Variants in MID1 observed in about 807,000 individuals in gnomAD.
MID1 encodes E3 ubiquitin-protein ligase Midline-1.
In MID1, 7 loss-of-function variants were observed where a neutral mutation model predicts 40.4. The ratio of observed to expected loss-of-function variants is 0.17; its 90% CI spans 0.10 to 0.33. The LOEUF (loss-of-function observed/expected upper bound fraction) is 0.33, where lower values mean the gene tolerates loss of function less well. Ranked by LOEUF, MID1 falls within the 10% of genes least tolerant of loss-of-function variation. MID1 has a pLI of 1.00. For synonymous variants in MID1, 229 were observed against 221.2 expected, an observed-to-expected ratio of 1.04 and a Z score of -0.31; for missense variants, 367 against 558.5, an observed-to-expected ratio of 0.66 and a Z score of 3.46.
intron 7 of MID1, among the ~76,000 whole-genome samples, chrX:10,465,214 T>TATATATATATACACAC (rs1477864693): frequency 1.1e-3 from 45 of 39,890 alleles, no homozygotes; most frequent in Non-Finnish European, 1.7e-3. Flanking sequence ...TATATATATA[T>TATATATATATACACAC]ACACACACAC....
At chrX:10,585,217 T>C (rs1935113066) in intron 1 of MID1, among the ~76,000 whole-genome samples, 1 of 111,411 alleles carries the variant, frequency 9.0e-6, no homozygotes, top group Non-Finnish European at 1.9e-5. Flanking sequence ...TTAGTTTTGC[T>C]TCTCTTTCCT....
intron 2 of MID1, among the ~76,000 whole-genome samples, chrX:10,535,589 C>G: frequency 9.0e-6 from 1 of 111,462 alleles, no homozygotes; most frequent in Middle Eastern, 4.6e-3. Flanking sequence ...TTCTTGCATT[C>G]GAGTATTCCC....
At chrX:10,474,282 T>G (rs1006717490) in intron 6 of MID1, among the ~76,000 whole-genome samples, 9 of 112,127 alleles carry the variant, frequency 8.0e-5, no homozygotes, top group Non-Finnish European at 3.8e-5. Flanking sequence ...TGCCAATTTT[T>G]TCTCTGCCAA....
intron 5 of MID1, among the ~76,000 whole-genome samples, chrX:10,478,451 C>T (rs73492965): frequency 0.021 from 2,403 of 111,926 alleles, 48 homozygotes; most frequent in African/African-American, 0.075. Context: ...TTAGTCCCGT[C>T]TTACAGATTT....
At chrX:10,691,842 C>T (rs965238584) in intron 1 of MID1, among the ~76,000 whole-genome samples, 1 of 111,580 alleles carries the variant, frequency 9.0e-6, no homozygotes. Flanking sequence ...GAATTCTTTT[C>T]CCAGCAAGGA....
chrX:10,623,586 C>T (rs915469286), upstream of MID1, among the ~76,000 whole-genome samples: 10 of 111,916 alleles, frequency 8.9e-5, no homozygotes, highest in African/African-American at 3.2e-4. Flanking sequence ...GGACAGGCAG[C>T]GCTACTCAGA....
chrX:10,571,477 A>T (rs1245222489), intron 1 of MID1, among the ~76,000 whole-genome samples: 1 of 108,148 alleles, frequency 9.2e-6, no homozygotes, highest in Non-Finnish European at 1.9e-5. Context: ...AGAAATTAAA[A>T]TGCCATTCAT....
At chrX:10,740,219 A>G (rs2043514231) in intron 1 of MID1, among the ~76,000 whole-genome samples, 1 of 113,049 alleles carries the variant, frequency 8.8e-6, no homozygotes. Flanking sequence ...AACAGATGTT[A>G]CTTTACATTT....
chrX:10,677,825 C>A (rs1602512183), intron 1 of MID1: 1 of 110,609 alleles, frequency 9.0e-6, no homozygotes, highest in Admixed American at 9.7e-5. Flanking sequence ...CACCCCAGGC[C>A]CCTGTCCTGC....
chrX:10,613,732 T>TATATATAGAGAGAGAGAG (rs1482081086), intron 1 of MID1, among the ~76,000 whole-genome samples: 4 of 17,482 alleles, frequency 2.3e-4, no homozygotes, highest in Non-Finnish European at 4.3e-4. Context: ...TATATATATA[T>TATATATAGAGAGAGAGAG]AGAGAGAGAG....
Position 10,448,923 on chromosome X carries a change from C to T in MID1, c.*445G>A, listed in dbSNP as rs900287683. 3.6e-4 allele frequency: 45 copies of T among 124,758 alleles called. No homozygotes were observed. Among genetic ancestry groups the T allele is most frequent in the African/African-American group, 1.3e-3 (40 of 31,081 alleles). The allele number at this position is 124,758 out of a possible 1,213,427, so 10.3% of individuals were successfully genotyped here. A position where few individuals can be genotyped will look rare whatever the true frequency, so the allele number is the denominator to read the frequency against. On this transcript the variant is annotated 3_prime_UTR_variant, in exon 10 of 10. Transcript: ENST00000317552. ...TCAAACACATCCTGTTATGCACCATCGAGGTGAGAAGACCTACCATGGGAT... is the reference window on the plus strand; with the variant it reads ...TCAAACACATCCTGTTATGCACCATTGAGGTGAGAAGACCTACCATGGGAT...
intron 1 of MID1, among the ~76,000 whole-genome samples, chrX:10,662,542 G>C (rs908012696): frequency 9.0e-6 from 1 of 111,411 alleles, no homozygotes; most frequent in African/African-American, 3.3e-5. Context: ...TCGGTGTGTA[G>C]GGAGGATGCG....
intron 1 of MID1, among the ~76,000 whole-genome samples, chrX:10,652,220 C>T (rs1202534747): frequency 9.0e-6 from 1 of 111,534 alleles, no homozygotes; most frequent in Non-Finnish European, 1.9e-5. Flanking sequence ...TACTTCAGCT[C>T]GTGTCTGTCC....
chrX:10,505,542 G>C (rs1156981841), intron 3 of MID1: 23 of 751,567 alleles, frequency 3.1e-5, no homozygotes, highest in Non-Finnish European at 3.6e-5. Flanking sequence ...ACCTGCCATG[G>C]GTGTTTGTCT....
chrX:10,533,199 A>G (rs1442326713), intron 2 of MID1, among the ~76,000 whole-genome samples: 1 of 110,111 alleles, frequency 9.1e-6, no homozygotes, highest in African/African-American at 3.3e-5. Context: ...TCACAGTACA[A>G]TGAGAAAGTT....
intron 1 of MID1, among the ~76,000 whole-genome samples, chrX:10,689,414 G>C (rs932816853): frequency 5.4e-5 from 6 of 110,969 alleles, no homozygotes; most frequent in Non-Finnish European, 1.1e-4. Flanking sequence ...AACAGCACAG[G>C]GGAAATCCGC....
At chrX:10,681,025 C>CAATAATAAT (rs56941761) in intron 1 of MID1, among the ~76,000 whole-genome samples, 183 of 82,581 alleles carry the variant, frequency 2.2e-3, no homozygotes, top group African/African-American at 4.6e-3. Flanking sequence ...GACCCTGTCT[C>CAATAATAAT]AATAATAATA....
chrX:10,507,552 G>A (rs1478152484), intron 3 of MID1, among the ~76,000 whole-genome samples: 3 of 112,568 alleles, frequency 2.7e-5, no homozygotes, highest in African/African-American at 9.7e-5. Flanking sequence ...AGTAGCCAGT[G>A]TCTGATTTCA....
At chrX:10,828,011 T>A (rs1303388213) in intron 1 of MID1, among the ~76,000 whole-genome samples, 2 of 111,574 alleles carry the variant, frequency 1.8e-5, no homozygotes, top group African/African-American at 6.5e-5. Flanking sequence ...AACTCTCTGT[T>A]AGAGAGTTAT....
Sources: allele counts gnomAD v4.1 joint callset (sites outside exome capture counted in the v4.1 genomes callset), GRCh38; gene constraint gnomAD v4.1.1; transcripts MANE v1.5; gene names NCBI Gene and HGNC (gene_info 2026-07-23, HGNC 2026-07-21).